The following CWH43 variants were observed in gnomAD, a reference collection of about 807,000 sequenced individuals.
CWH43 encodes PGAP2-interacting protein.
In CWH43, 91 loss-of-function variants were observed where a neutral mutation model predicts 85.7. The observed-to-expected ratio is 1.06, with a 90% confidence interval of 0.90 to 1.26. The LOEUF (loss-of-function observed/expected upper bound fraction) is 1.26. Among genes scored for constraint, CWH43 ranks in the 50% most tolerant of loss-of-function variants. The probability of loss-of-function intolerance (pLI) is 0.00; values close to 1 mark genes in which losing one functional copy is unlikely to be tolerated. For synonymous variants in CWH43, 323 were observed against 293.6 expected, an observed-to-expected ratio of 1.10 and a Z score of -1.02; for missense variants, 869 against 839.2, an observed-to-expected ratio of 1.04 and a Z score of -0.44.
chr4:48,993,394 T>C (rs1782716184), intron 4 of CWH43, among the ~76,000 whole-genome samples: 1 of 152,036 alleles, frequency 6.6e-6, no homozygotes, highest in African/African-American at 2.4e-5. Flanking sequence ...TTCCATCCCA[T>C]CCCCATAGCT....
At chr4:49,045,507 T>C (rs998992565) in intron 14 of CWH43, among the ~76,000 whole-genome samples, 6 of 152,328 alleles carry the variant, frequency 3.9e-5, no homozygotes, top group African/African-American at 1.2e-4. Context: ...TTGTACCTTT[T>C]CTATGTTTAG....
At position 49,048,989 on chromosome 4, in the gene CWH43, G is replaced by C. The variant is rs563076106; in HGVS notation, c.1866-1705G>C. Among the ~76,000 whole-genome samples, 15 of 152,206 alleles carry C rather than the reference G, an allele frequency of 9.9e-5. 1 individual carries two copies. The South Asian group carries it at 2.9e-3, about 29-fold the overall frequency. ...TAATAAATACTTATTGGACAACAAT[G>C]GGAGATCCTCTGTTTTAATGGAAGA... is the stretch of plus-strand genomic sequence containing the variant. On this transcript the variant is annotated intron_variant, in intron 14 of 15. Coordinates refer to ENST00000226432, the MANE Select transcript of CWH43 (RefSeq NM_025087.3).
chr4:49,016,394 C>T (rs1783546534), intron 8 of CWH43, among the ~76,000 whole-genome samples: 1 of 152,086 alleles, frequency 6.6e-6, no homozygotes, highest in South Asian at 2.1e-4. Context: ...ATCTTGGCCT[C>T]ATGGTGTAAG....
chr4:49,044,267 T>C (rs536771836), intron 13 of CWH43, among the ~76,000 whole-genome samples: 1 of 152,322 alleles, frequency 6.6e-6, no homozygotes, highest in Non-Finnish European at 1.5e-5. Context: ...ATTTCCATGA[T>C]TCAATTTAAG....
Position 49,038,091 on chromosome 4 carries a change from A to G in CWH43, c.1714A>G (p.Ser572Gly), listed in dbSNP as rs1425370095. ...AIAVSKLLKS[S>G]SNQVIFLGYI... ...TGCTGTTTCAAAACTACTGAAAAGT[A>G]GCTCTAATCAAGTGATATTTCTGGG... The change falls in exon 13 of 16, where the codon AGC (serine) becomes GGC (glycine). Residue 572 changes from serine to glycine, a missense_variant. Physicochemically the swap from Ser to Gly is moderately conservative, Grantham distance 56. Coordinates refer to ENST00000226432, the MANE Select transcript of CWH43 (RefSeq NM_025087.3). 5 of 1,613,128 alleles carry G rather than the reference A, an allele frequency of 3.1e-6. No individual in the cohort carries two copies. The highest frequency in any genetic ancestry group is 2.7e-5 in the African/African-American group (2 of 74,904).
chr4:49,049,107 T>G (rs1033494830), intron 14 of CWH43, among the ~76,000 whole-genome samples: 1 of 152,186 alleles, frequency 6.6e-6, no homozygotes, highest in Non-Finnish European at 1.5e-5. Flanking sequence ...CTTAGAGATT[T>G]GGGAATAAAT....
At chr4:49,023,839 A>T (rs1215266179) in intron 9 of CWH43, among the ~76,000 whole-genome samples, 1 of 152,166 alleles carries the variant, frequency 6.6e-6, no homozygotes, top group African/African-American at 2.4e-5. Flanking sequence ...GTTGGGTAGA[A>T]TGTTCTGTAA....
chr4:49,032,767 A>AC, intron 12 of CWH43, 52 bp downstream of exon 12: 1 of 1,584,264 alleles, frequency 6.3e-7, no homozygotes. Context: ...AAATGTTATT[A>AC]ACAATGTACT....
rs373221489 is a variant in CWH43 at position 48,992,450 on chromosome 4, C to A, written c.511+360C>A. 1.5e-4 allele frequency among the ~76,000 whole-genome samples: 23 copies of A among 152,282 alleles called. 1 individual carries two copies. The East Asian group carries it at 2.5e-3, about 17-fold the overall frequency. ...TGGGATTCTCCATCCTCCACCTCCA[C>A]ACTGACCTCAGTACATCTGTAACAC... On this transcript the variant is annotated intron_variant, in intron 4 of 15. Coordinates refer to ENST00000226432, the MANE Select transcript of CWH43 (RefSeq NM_025087.3). This position sits in a 1 kb window ranked among gnomAD's most constrained non-coding sequence, Gnocchi z 4.3.
At chr4:49,027,350 G>A (rs1482690396) in intron 9 of CWH43, among the ~76,000 whole-genome samples, 2 of 152,134 alleles carry the variant, frequency 1.3e-5, no homozygotes, top group African/African-American at 4.8e-5. Context: ...GATGAAGGGA[G>A]GTGGCATTTC....
intron 14 of CWH43, among the ~76,000 whole-genome samples, chr4:49,048,987 A>G (rs1421279180): frequency 6.6e-6 from 1 of 152,170 alleles, no homozygotes; most frequent in Non-Finnish European, 1.5e-5. Context: ...TTGGACAACA[A>G]TGGGAGATCC....
At chr4:49,028,979 C>T (rs912560601) in intron 10 of CWH43, among the ~76,000 whole-genome samples, 3 of 152,148 alleles carry the variant, frequency 2.0e-5, no homozygotes, top group African/African-American at 7.2e-5. Context: ...ACTCCTCATA[C>T]TGAGTATCTT....
rs139431608 is a variant in CWH43 at position 49,003,807 on chromosome 4, T to C, written c.875T>C (p.Ile292Thr). The change falls in exon 7 of 16, where the codon ATC (isoleucine) becomes ACC (threonine). Residue 292 changes from isoleucine (I) to threonine (T), a missense_variant. Physicochemically the swap from Ile to Thr is moderately conservative, Grantham distance 89. Around this residue, in one of 3 missense-constraint regions of CWH43, gnomAD observed 577 missense variants for 513.1 expected, o/e 1.12. Coordinates refer to ENST00000226432, the MANE Select transcript of CWH43 (RefSeq NM_025087.3). ...AAAVSGCVFA[I>T]FTASMWPQTL... ...GCTGTGTCTGGCTGTGTCTTCGCCA[T>C]CTTTACTGCATCCATGTGGCCCCAA... 1.6e-3 allele frequency: 2,510 copies of C among 1,614,032 alleles called. 2 individuals carry two copies. The highest frequency in any genetic ancestry group is 2.0e-3 in the Non-Finnish European group (2,375 of 1,179,930).
chr4:49,004,119 G>T, intron 7 of CWH43, 127 bp downstream of exon 7: 1 of 815,382 alleles, frequency 1.2e-6, no homozygotes, highest in Non-Finnish European at 1.8e-6. Flanking sequence ...TGGTAAAATA[G>T]ACTCTCTTGA....
At chr4:49,009,271 CTGTT>C (rs1403696035) in intron 8 of CWH43, among the ~76,000 whole-genome samples, 2 of 152,110 alleles carry the variant, frequency 1.3e-5, no homozygotes, top group African/African-American at 4.8e-5. Flanking sequence ...ATTTGGCTCT[CTGTT>C]TGTCTGTTAT....
intron 5 of CWH43, 57 bp downstream of exon 5, chr4:48,994,877 T>C: frequency 7.2e-7 from 1 of 1,381,108 alleles, no homozygotes; most frequent in Admixed American, 1.7e-5. Flanking sequence ...GAGGAAGCAA[T>C]GCCTCCTTTG....
At chr4:49,044,937 A>G in intron 14 of CWH43, 90 bp downstream of exon 14, 1 of 1,006,362 alleles carries the variant, frequency 9.9e-7, no homozygotes, top group Non-Finnish European at 1.5e-6. Flanking sequence ...TTATGGAAGC[A>G]ATTAATTTTT....
intron 8 of CWH43, among the ~76,000 whole-genome samples, chr4:49,014,194 T>G (rs1316071449): frequency 6.6e-6 from 1 of 152,224 alleles, no homozygotes; most frequent in Non-Finnish European, 1.5e-5. Context: ...GGTTCACTTC[T>G]GTAATCCCAG....
intron 4 of CWH43, among the ~76,000 whole-genome samples, chr4:48,994,251 G>A (rs1202341469): frequency 4.6e-5 from 7 of 152,208 alleles, no homozygotes; most frequent in Non-Finnish European, 2.9e-5. Context: ...TTCTTTGGGA[G>A]GAAGCAGCTT....
Sources: gnomAD v4.1 joint callset for allele counts (sites outside exome capture counted in the v4.1 genomes callset) on GRCh38, gnomAD v4.1.1 for gene constraint, gnomAD v4.1.1 regional missense constraint, Gnocchi (gnomAD v3.1) non-coding constraint, MANE v1.5 for transcripts, NCBI Gene and HGNC (gene_info 2026-07-23, HGNC 2026-07-21) for gene names.